The following WDR7 variants were observed in gnomAD, a reference collection of about 807,000 sequenced individuals.
WDR7 encodes WD repeat domain 7, also known as WD repeat-containing protein 7.
WDR7 carries 46 observed loss-of-function variants against 169.4 expected under a neutral mutation model. That is an observed-to-expected ratio of 0.27 (90% confidence interval 0.21 to 0.35). WDR7 has a LOEUF of 0.35. Among genes scored for constraint, WDR7 ranks in the 10% least tolerant of loss-of-function variants. The pLI is 1.00. For missense variants in WDR7, 1,534 were observed against 1,859.3 expected (o/e 0.83, Z 3.22); for synonymous variants, 612 against 666.8 (o/e 0.92, Z 1.27).
chr18:56,982,745 T>G (rs975333968), intron 26 of WDR7, among the ~76,000 whole-genome samples: 2 of 152,244 alleles, frequency 1.3e-5, no homozygotes, highest in Admixed American at 1.3e-4. Context: ...GCTAGCATTA[T>G]GTCCATAGGA....
chr18:56,754,289 A>ATG (rs1177972248), intron 14 of WDR7, among the ~76,000 whole-genome samples: 9 of 124,414 alleles, frequency 7.2e-5, no homozygotes, highest in African/African-American at 2.1e-4. Flanking sequence ...GTGTGTGTAT[A>ATG]TGTGTGTGTG....
intron 25 of WDR7, among the ~76,000 whole-genome samples, chr18:56,948,480 A>G (rs781398532): frequency 1.8e-4 from 28 of 152,130 alleles, no homozygotes; most frequent in Admixed American, 1.1e-3. Context: ...TACGCCCTCA[A>G]TGTAGCCACT....
At chr18:56,794,304 A>ATTTTTTGTTTTTTTTTTTTTTTTTTT (rs2044543989) in intron 19 of WDR7, among the ~76,000 whole-genome samples, 1 of 49,466 alleles carries the variant, frequency 2.0e-5, no homozygotes, top group Non-Finnish European at 3.8e-5. Flanking sequence ...GGTAAAGTCT[A>ATTTTTTGTTTTTTTTTTTTTTTTTTT]TTTTTTTTTT....
intron 2 of WDR7, 68 bp downstream of exon 2, chr18:56,672,742 C>A: frequency 1.4e-6 from 2 of 1,404,928 alleles, no homozygotes; most frequent in Non-Finnish European, 1.9e-6. Context: ...ATAATATAGT[C>A]CCCAAATGAT....
At chr18:56,992,018 CCTG>C (rs1167636622) in intron 26 of WDR7, among the ~76,000 whole-genome samples, 1 of 152,182 alleles carries the variant, frequency 6.6e-6, no homozygotes, top group Non-Finnish European at 1.5e-5. Context: ...GAAAACGAGT[CCTG>C]CTCAGTGTAA....
At chr18:56,846,751 C>T (rs11873977) in intron 20 of WDR7, among the ~76,000 whole-genome samples, 7,118 of 152,212 alleles carry the variant, frequency 0.047, 591 homozygotes, top group African/African-American at 0.16. Flanking sequence ...AGTGATGCAC[C>T]TGCTCCTCCT....
chr18:56,907,357 A>G (rs1410249403), intron 21 of WDR7, among the ~76,000 whole-genome samples: 2 of 152,176 alleles, frequency 1.3e-5, no homozygotes, highest in Admixed American at 6.5e-5. Context: ...TAATGACAAT[A>G]ACTTTGAACC....
intron 26 of WDR7, among the ~76,000 whole-genome samples, chr18:57,013,300 C>T (rs2048162654): frequency 6.6e-6 from 1 of 152,190 alleles, no homozygotes; most frequent in African/African-American, 2.4e-5. Flanking sequence ...CGGCCTGGTT[C>T]TTAACAGGCC....
chr18:56,844,137 A>G (rs1440358489), intron 20 of WDR7, among the ~76,000 whole-genome samples: 2 of 151,446 alleles, frequency 1.3e-5, no homozygotes, highest in African/African-American at 4.9e-5. Flanking sequence ...CTAGGATTAC[A>G]GGCATGAGCC....
chr18:56,941,135 C>T (rs1189839264), intron 25 of WDR7, among the ~76,000 whole-genome samples: 1 of 152,080 alleles, frequency 6.6e-6, no homozygotes, highest in Non-Finnish European at 1.5e-5. Context: ...AAGATGATAT[C>T]CTCACGGGGC....
chr18:56,957,166 G>C lies in WDR7; in HGVS notation c.4065-5264G>C, dbSNP rs183274399. Reference sequence around the variant, plus strand: ...ATGCAGATGTGAGCAAGAATGACATGAGATCCATGTGTGCTGACATGAGAG... The same window carrying C: ...ATGCAGATGTGAGCAAGAATGACATCAGATCCATGTGTGCTGACATGAGAG... On this transcript the variant is annotated intron_variant, in intron 25 of 27. Coordinates refer to ENST00000254442, the MANE Select transcript of WDR7 (RefSeq NM_015285.3). The C allele has an allele frequency of 7.9e-5, 12 of 152,268 alleles. No homozygotes were observed. In the East Asian group the frequency reaches 2.3e-3, roughly 29 times the overall value. 9.4% of individuals were successfully genotyped at this position (152,268 alleles called of 1,614,324 possible). A position where few individuals can be genotyped will look rare whatever the true frequency, so the allele number is the denominator to read the frequency against.
At chr18:56,827,615 A>T (rs2045231455) in intron 20 of WDR7, among the ~76,000 whole-genome samples, 1 of 152,132 alleles carries the variant, frequency 6.6e-6, no homozygotes, top group African/African-American at 2.4e-5. Flanking sequence ...ATAGGTAGAA[A>T]GAATGAATAA....
In WDR7 at chr18:56,962,413, TA is replaced by T. The variant is rs774239819; in HGVS notation, c.4065-13del. 52 of 1,611,448 alleles carry T rather than the reference TA, an allele frequency of 3.2e-5. No homozygotes were observed. The highest frequency in any genetic ancestry group is 4.1e-5 in the Non-Finnish European group (48 of 1,178,256). ...GGCTTCTTGTTTTTGTTTTTGTTGT[TA>T]AAATGTTCAACTCAGGTTCTACATG... On this transcript the variant is annotated splice_polypyrimidine_tract_variant and intron_variant, in intron 25 of 27. Coordinates refer to ENST00000254442, the MANE Select transcript of WDR7 (RefSeq NM_015285.3).
At chr18:56,793,358 C>T (rs2145125068) in intron 19 of WDR7, among the ~76,000 whole-genome samples, 1 of 152,288 alleles carries the variant, frequency 6.6e-6, no homozygotes, top group East Asian at 1.9e-4. Flanking sequence ...ACTTGACAAA[C>T]CTCTATAATC....
chr18:56,954,718 A>G (rs559190511), intron 25 of WDR7, among the ~76,000 whole-genome samples: 2 of 152,246 alleles, frequency 1.3e-5, no homozygotes, highest in African/African-American at 4.8e-5. Context: ...AAAATTGGAT[A>G]TATATTAGAA....
chr18:56,938,036 T>A (rs1264050105), intron 23 of WDR7, among the ~76,000 whole-genome samples: 1 of 152,150 alleles, frequency 6.6e-6, no homozygotes, highest in African/African-American at 2.4e-5. Flanking sequence ...ATCCTTGTCA[T>A]CTCCACATTG....
At chr18:56,819,245 T>C (rs1455748645) in intron 20 of WDR7, among the ~76,000 whole-genome samples, 1 of 152,152 alleles carries the variant, frequency 6.6e-6, no homozygotes, top group Non-Finnish European at 1.5e-5. Flanking sequence ...CTATGATCAA[T>C]TGGAACTAAT....
chr18:56,662,121 C>T (rs1485339725), intron 1 of WDR7, among the ~76,000 whole-genome samples: 1 of 152,192 alleles, frequency 6.6e-6, no homozygotes, highest in Non-Finnish European at 1.5e-5. Context: ...AAGGCCTGTG[C>T]CAATTCATGT....
At chr18:56,856,359 C>A (rs1316872669) in intron 20 of WDR7, among the ~76,000 whole-genome samples, 2 of 152,042 alleles carry the variant, frequency 1.3e-5, no homozygotes, top group Non-Finnish European at 2.9e-5. Context: ...CCTGGTGAAA[C>A]CCTGGCTCTA....
Sources: allele counts gnomAD v4.1 joint callset (sites outside exome capture counted in the v4.1 genomes callset), GRCh38; gene constraint gnomAD v4.1.1; transcripts MANE v1.5; gene names NCBI Gene and HGNC (gene_info 2026-07-23, HGNC 2026-07-21).